The following ARAP2 variants were observed in gnomAD, a reference collection of about 807,000 sequenced individuals.
ARAP2 encodes arf-GAP with Rho-GAP domain, ANK repeat and PH domain-containing protein 2.
ARAP2 carries 148 observed loss-of-function variants against 194.5 expected under a neutral mutation model. The ratio of observed to expected loss-of-function variants is 0.76; its 90% CI spans 0.67 to 0.87. ARAP2 has a LOEUF of 0.87. Among genes scored for constraint, ARAP2 ranks in the 40% least tolerant of loss-of-function variants. The pLI, the probability that ARAP2 is intolerant of heterozygous loss-of-function variation, is 0.00. For missense variants in ARAP2, 2,128 were observed against 1,989.7 expected, an observed-to-expected ratio of 1.07 and a Z score of -1.32; for synonymous variants, 695 against 683.5, an observed-to-expected ratio of 1.02 and a Z score of -0.26.
At chr4:36,043,118 C>T (rs990503439) in intron 5 of ARAP2, among the ~76,000 whole-genome samples, 3 of 152,156 alleles carry the variant, frequency 2.0e-5, no homozygotes, top group African/African-American at 7.2e-5. Flanking sequence ...GCTGGGATTA[C>T]AGGTGTGAGC....
At chr4:36,068,954 A>G (rs1346746593) in intron 32 of ARAP2, among the ~76,000 whole-genome samples, 1 of 152,234 alleles carries the variant, frequency 6.6e-6, no homozygotes, top group East Asian at 1.9e-4. Context: ...TGGGTTAGTT[A>G]TTCAAATTGA....
intron 3 of ARAP2, 136 bp from the exon 4 acceptor site, chr4:36,213,455 GC>G: frequency 1.7e-6 from 1 of 604,720 alleles, no homozygotes; most frequent in Non-Finnish European, 2.9e-6. Context: ...TCCAAATTAT[GC>G]TAATTCTTAT....
intron 9 of ARAP2, among the ~76,000 whole-genome samples, chr4:36,007,442 G>A (rs1313198288): frequency 6.6e-6 from 1 of 152,202 alleles, no homozygotes; most frequent in Non-Finnish European, 1.5e-5. Flanking sequence ...TGGAGGCAGA[G>A]ATTGAAGCTA....
chr4:36,123,269 G>A (rs897988348), intron 22 of ARAP2, among the ~76,000 whole-genome samples: 12 of 151,688 alleles, frequency 7.9e-5, no homozygotes, highest in Non-Finnish European at 1.8e-4. Context: ...AACACCTGGC[G>A]AATGGAATTA....
At chr4:36,205,040 A>T (rs1223645150) in intron 6 of ARAP2, among the ~76,000 whole-genome samples, 1 of 150,010 alleles carries the variant, frequency 6.7e-6, no homozygotes, top group African/African-American at 2.4e-5. Context: ...CAAACAAAAA[A>T]ATCAACAATT....
chr4:36,124,859 C>T lies in ARAP2; in HGVS notation c.3746+3G>A. 1 of 1,586,410 alleles carries T rather than the reference C, an allele frequency of 6.3e-7. No individual in the cohort carries two copies. Among genetic ancestry groups the T allele is most frequent in the Non-Finnish European group, 8.6e-7 (1 of 1,159,512 alleles). On this transcript the variant is annotated splice_donor_region_variant and intron_variant, in intron 22 of 32. Transcript: ENST00000303965. ...GTCGAGAAAAGTTCATTCATCTACC[C>T]ACCTATACAGGTGTTCAATGATAGC...
intron 5 of ARAP2, among the ~76,000 whole-genome samples, chr4:36,020,395 G>T (rs571064059): frequency 6.6e-6 from 1 of 152,108 alleles, no homozygotes; most frequent in Non-Finnish European, 1.5e-5. Context: ...TGGATGAAAA[G>T]AGCAAAACAA....
At chr4:36,159,285 C>T (rs760230590) in intron 14 of ARAP2, 46 bp downstream of exon 14, 16 of 1,408,488 alleles carry the variant, frequency 1.1e-5, no homozygotes, top group South Asian at 1.8e-5. Flanking sequence ...AGTCCTTTTA[C>T]GGATCTATCA....
intron 27 of ARAP2, among the ~76,000 whole-genome samples, chr4:36,095,342 G>T (rs1714865526): frequency 6.6e-6 from 1 of 151,828 alleles, no homozygotes; most frequent in African/African-American, 2.4e-5. Context: ...GTGTTTCTGG[G>T]ATTCCTATTC....
At position 36,229,647 on chromosome 4, in the gene ARAP2, T is replaced by C. The variant is rs1208070405; in HGVS notation, c.-159-2A>G. 3 of 475,036 alleles carry C rather than the reference T, an allele frequency of 6.3e-6. No individual in the cohort carries two copies. Among genetic ancestry groups the C allele is most frequent in the Non-Finnish European group, 1.1e-5 (3 of 274,690 alleles). 29.4% of individuals were successfully genotyped at this position (475,036 alleles called of 1,614,324 possible). ...AGTGACTGCTTTACCTGCTTAAGCC[T>C]AGAAAAAAATAAAAAATGATTCATT... On this transcript the variant is annotated splice_acceptor_variant, in intron 1 of 32. Transcript: ENST00000303965. LOFTEE classifies it low-confidence loss of function (5UTR_SPLICE).
At chr4:36,132,154 G>C (rs898643034) in intron 20 of ARAP2, among the ~76,000 whole-genome samples, 1 of 151,622 alleles carries the variant, frequency 6.6e-6, no homozygotes, top group African/African-American at 2.4e-5. Context: ...ACATATCAGT[G>C]TATTATCAGT....
In ARAP2 at chr4:36,159,431, C is replaced by G. The variant is rs373639251; in HGVS notation, c.2517G>C (p.Met839Ile). The G allele has an allele frequency of 2.7e-5, 44 of 1,611,538 alleles. No individual in the cohort carries two copies. The highest frequency in any genetic ancestry group is 1.6e-4 in the Middle Eastern group (1 of 6,082). The change falls in exon 14 of 33, where the codon ATG (methionine) becomes ATC (isoleucine). Residue 839 changes from methionine (M) to isoleucine (I), a missense_variant. Coordinates refer to ENST00000303965, the MANE Select transcript of ARAP2 (RefSeq NM_015230.4). ...TATGCACGGGGTCTCCGGTGGCACACATGACATCTGCTCCACTGAACAGCA... is the reference window on the plus strand; with the variant it reads ...TATGCACGGGGTCTCCGGTGGCACAGATGACATCTGCTCCACTGAACAGCA... ...MALLFSGADV[M>I]CATGDPVHST...
At chr4:36,059,228 A>G (rs1408138157) in intron 1 of ARAP2, among the ~76,000 whole-genome samples, 1 of 152,176 alleles carries the variant, frequency 6.6e-6, no homozygotes, top group Non-Finnish European at 1.5e-5. Context: ...TTTTAACTTT[A>G]CTGAAATAGC....
intron 9 of ARAP2, among the ~76,000 whole-genome samples, chr4:36,169,872 T>TA (rs1736211733): frequency 6.6e-6 from 1 of 152,168 alleles, no homozygotes; most frequent in African/African-American, 2.4e-5. Flanking sequence ...TTTGAGTAAT[T>TA]AGAGTATCTA....
Position 36,214,445 on chromosome 4 carries a change from G to A in ARAP2, c.941C>T (p.Thr314Ile), listed in dbSNP as rs528920061. ...FRERRNVATS[T>I]EKSVAWQNSN... ...ACTTTGCCATGCCACAGATTTTTCAGTTGAGGTAGCAACATTTCTTCTTTC... is the reference window on the plus strand; with the variant it reads ...ACTTTGCCATGCCACAGATTTTTCAATTGAGGTAGCAACATTTCTTCTTTC... Residue 314 changes from threonine (T) to isoleucine (I), a missense_variant, in exon 3 of 33, where the codon ACT becomes ATT. Physicochemically the swap from Thr to Ile is moderately conservative, Grantham distance 89. Coordinates refer to ENST00000303965, the MANE Select transcript of ARAP2 (RefSeq NM_015230.4). The A allele has an allele frequency of 1.0e-5, 16 of 1,594,520 alleles. No individual in the cohort carries two copies. In the African/African-American group the frequency reaches 2.0e-4, roughly 20 times the overall value.
At chr4:36,204,247 G>T (rs1316656285) in intron 6 of ARAP2, among the ~76,000 whole-genome samples, 6 of 152,150 alleles carry the variant, frequency 3.9e-5, no homozygotes, top group Non-Finnish European at 7.4e-5. Context: ...TATCAAAAAT[G>T]AGATTTCTCA....
chr4:36,219,167 A>T (rs535931816), intron 2 of ARAP2, among the ~76,000 whole-genome samples: 3 of 152,222 alleles, frequency 2.0e-5, no homozygotes, highest in Non-Finnish European at 4.4e-5. Context: ...ATTTTGCATT[A>T]TCTACAAAAA....
intron 14 of ARAP2, 55 bp downstream of exon 14, chr4:36,159,253 AAAATCAATAGATTTATGCTTCAG>A (rs1383896612): frequency 7.6e-7 from 1 of 1,322,312 alleles, no homozygotes; most frequent in African/African-American, 1.5e-5. Context: ...TCTTATTTGA[AAAATCAATAGATTTATGCTTCAG>A]TCCTTTTACG....
intron 15 of ARAP2, among the ~76,000 whole-genome samples, chr4:36,153,527 G>A (rs537814222): frequency 6.6e-6 from 1 of 152,294 alleles, no homozygotes; most frequent in East Asian, 1.9e-4. Flanking sequence ...GAACTTATAT[G>A]TAAGATGCAA....
Sources: gnomAD v4.1 joint callset for allele counts (sites outside exome capture counted in the v4.1 genomes callset) on GRCh38, gnomAD v4.1.1 for gene constraint, MANE v1.5 for transcripts, NCBI Gene and HGNC (gene_info 2026-07-23, HGNC 2026-07-21) for gene names.